Variants in BRINP3 observed in about 807,000 individuals in gnomAD.
The protein encoded by BRINP3 is BMP/retinoic acid-inducible neural-specific protein 3.
Under a neutral mutation model 71.0 loss-of-function variants are expected in BRINP3, and 19 were observed. That is an observed-to-expected ratio of 0.27 (90% CI 0.19 to 0.39). BRINP3 has a LOEUF of 0.39. BRINP3 is among the 10% of genes least tolerant of loss of function. The pLI, the probability that BRINP3 is intolerant of heterozygous loss-of-function variation, is 1.00. For synonymous variants in BRINP3, 380 were observed against 337.7 expected (o/e 1.13, Z -1.37); for missense variants, 959 against 940.8 (o/e 1.02, Z -0.25).
At chr1:190,253,747 G>A (rs1330812848) in intron 4 of BRINP3, among the ~76,000 whole-genome samples, 1 of 152,158 alleles carries the variant, frequency 6.6e-6, no homozygotes, top group Non-Finnish European at 1.5e-5. Context: ...TCTGATAGTA[G>A]TTTCTTTGGC....
chr1:190,468,728 G>T (rs968481940), intron 1 of BRINP3, among the ~76,000 whole-genome samples: 4 of 151,028 alleles, frequency 2.6e-5, no homozygotes, highest in Admixed American at 1.3e-4. Flanking sequence ...ATATCTTTTG[G>T]GGGGTGGGAG....
At chr1:190,292,359 T>TA (rs200189459) in intron 2 of BRINP3, among the ~76,000 whole-genome samples, 1,595 of 151,760 alleles carry the variant, frequency 0.011, 23 homozygotes, top group African/African-American at 0.036. Flanking sequence ...AAATATAAAA[T>TA]AAAAAAAATG....
intron 2 of BRINP3, among the ~76,000 whole-genome samples, chr1:190,404,894 T>A (rs1672161624): frequency 6.6e-6 from 1 of 152,190 alleles, no homozygotes; most frequent in Non-Finnish European, 1.5e-5. Flanking sequence ...GTTTGTCAAC[T>A]GGCTTTAATT....
intron 4 of BRINP3, among the ~76,000 whole-genome samples, chr1:190,246,840 G>C (rs1444989566): frequency 6.6e-6 from 1 of 151,784 alleles, no homozygotes; most frequent in Non-Finnish European, 1.5e-5. Flanking sequence ...TCTAAAACTT[G>C]TTACAAATCT....
Position 190,405,788 on chromosome 1 carries a change from C to T in BRINP3, c.236+48867G>A, listed in dbSNP as rs534104001. Reference sequence around the variant, plus strand: ...ATTTAGGGATTTCATTAGCAATCACCCTTTACCACGCCAGACATGCTACAG... The same window carrying T: ...ATTTAGGGATTTCATTAGCAATCACTCTTTACCACGCCAGACATGCTACAG... On this transcript the variant is annotated intron_variant, in intron 2 of 7. Transcript: ENST00000367462. 2.1e-4 allele frequency among the ~76,000 whole-genome samples: 32 copies of T among 152,230 alleles called. 2 individuals carry two copies. In the South Asian group the frequency reaches 6.6e-3, roughly 32 times the overall value.
At chr1:190,337,342 C>T (rs1394961670) in intron 2 of BRINP3, among the ~76,000 whole-genome samples, 7 of 151,946 alleles carry the variant, frequency 4.6e-5, no homozygotes, top group Admixed American at 4.6e-4. Context: ...ATTAAAGGAT[C>T]CAAAATATTG....
At chr1:190,287,912 T>C (rs1380251624) in intron 2 of BRINP3, among the ~76,000 whole-genome samples, 1 of 152,130 alleles carries the variant, frequency 6.6e-6, no homozygotes, top group Non-Finnish European at 1.5e-5. Context: ...TTTAAATCAC[T>C]TTCATAGCTT....
chr1:190,263,559 G>C (rs80305059), intron 4 of BRINP3, among the ~76,000 whole-genome samples: 2,334 of 150,762 alleles, frequency 0.015, 17 homozygotes, highest in Admixed American at 0.026. Flanking sequence ...ACCCATTTAT[G>C]GATTTAAGTT....
chr1:190,436,254 A>C (rs1257754259), intron 2 of BRINP3, among the ~76,000 whole-genome samples: 1 of 151,960 alleles, frequency 6.6e-6, no homozygotes, highest in Non-Finnish European at 1.5e-5. Flanking sequence ...AATGGGAATT[A>C]AAGGACGATT....
intron 1 of BRINP3, among the ~76,000 whole-genome samples, chr1:190,462,004 C>G (rs1205853194): frequency 2.6e-5 from 4 of 152,108 alleles, no homozygotes; most frequent in Non-Finnish European, 5.9e-5. Context: ...ACCTCCTCCT[C>G]CCAGTTCAGG....
intron 1 of BRINP3, among the ~76,000 whole-genome samples, chr1:190,476,207 G>T (rs1388425195): frequency 6.7e-6 from 1 of 149,674 alleles, no homozygotes; most frequent in African/African-American, 2.5e-5. Context: ...TTGGGTTGTC[G>T]CGTCAGCCAT....
intron 6 of BRINP3, among the ~76,000 whole-genome samples, chr1:190,169,868 T>A (rs758290159): frequency 6.6e-6 from 1 of 152,188 alleles, no homozygotes; most frequent in Non-Finnish European, 1.5e-5. Flanking sequence ...CTCAGCACTT[T>A]ACATGGATTA....
At chr1:190,197,662 G>T (rs993813377) in intron 6 of BRINP3, among the ~76,000 whole-genome samples, 5 of 152,138 alleles carry the variant, frequency 3.3e-5, no homozygotes, top group Non-Finnish European at 7.4e-5. Flanking sequence ...TCACACTTAT[G>T]CAAGAGGTGG....
intron 7 of BRINP3, chr1:190,154,146 T>C (rs1656662495): frequency 1.2e-6 from 1 of 804,572 alleles, no homozygotes; most frequent in Non-Finnish European, 1.5e-6. Flanking sequence ...CACATATTCT[T>C]CTTCCCTTAA....
intron 2 of BRINP3, among the ~76,000 whole-genome samples, chr1:190,371,700 T>G (rs1148615): frequency 0.75 from 114,477 of 152,040 alleles, 43,309 homozygotes; most frequent in Non-Finnish European, 0.79. Flanking sequence ...TTCTAGTCCC[T>G]TGAGAAATGT....
At chr1:190,356,161 CATA>C (rs1668715393) in intron 2 of BRINP3, among the ~76,000 whole-genome samples, 1 of 151,926 alleles carries the variant, frequency 6.6e-6, no homozygotes, top group Non-Finnish European at 1.5e-5. Flanking sequence ...AATTGAAAAT[CATA>C]TGTGCTCTAT....
chr1:190,402,396 A>G (rs1385592025), intron 2 of BRINP3, among the ~76,000 whole-genome samples: 3 of 152,200 alleles, frequency 2.0e-5, no homozygotes, highest in Non-Finnish European at 4.4e-5. Context: ...ATTGTAAATT[A>G]AAATTAGTTA....
chr1:190,134,635 G>A (rs889189195), intron 7 of BRINP3, among the ~76,000 whole-genome samples: 7 of 152,020 alleles, frequency 4.6e-5, no homozygotes, highest in African/African-American at 9.7e-5. Context: ...GAGACAGGCA[G>A]GAGTCATACA....
chr1:190,108,683 C>A (rs1891587), intron 7 of BRINP3, among the ~76,000 whole-genome samples: 12 of 149,238 alleles, frequency 8.0e-5, no homozygotes, highest in African/African-American at 2.7e-4. Context: ...AAATTACTAT[C>A]TCACATCTAC....
Sources: allele counts gnomAD v4.1 joint callset (sites outside exome capture counted in the v4.1 genomes callset), GRCh38; gene constraint gnomAD v4.1.1; transcripts MANE v1.5; gene names NCBI Gene and HGNC (gene_info 2026-07-23, HGNC 2026-07-21).